CSF1R: variants seen among roughly 807,000 people sequenced by gnomAD.
The protein encoded by CSF1R is macrophage colony-stimulating factor 1 receptor.
A neutral mutation model predicts 110.0 loss-of-function variants in CSF1R; 40 were observed. The ratio of observed to expected loss-of-function variants is 0.36; its 90% CI spans 0.28 to 0.47. The LOEUF is 0.47. Ranked by LOEUF, CSF1R falls within the 20% of genes least tolerant of loss-of-function variation. The pLI is 0.99. For synonymous variants in CSF1R, 523 were observed against 503.4 expected (o/e 1.04, Z -0.52); for missense variants, 1,052 against 1,253.0 (o/e 0.84, Z 2.42).
At chr5:150,064,375 TAGAG>T (rs1275596131) in intron 10 of CSF1R, among the ~76,000 whole-genome samples, 1 of 152,174 alleles carries the variant, frequency 6.6e-6, no homozygotes, top group East Asian at 1.9e-4. Context: ...AGCTGGTAGT[TAGAG>T]AGAAAAGACT....
At chr5:150,091,237 A>G (rs1484711457), upstream of CSF1R, among the ~76,000 whole-genome samples, 1 of 152,250 alleles carries the variant, frequency 6.6e-6, no homozygotes, top group Non-Finnish European at 1.5e-5. Flanking sequence ...CAATTCCTCA[A>G]AAAGTTAAAC....
chr5:150,070,313 AAGG>A lies in CSF1R; in HGVS notation c.1199-14_1199-12del, dbSNP rs1465583559. The stretch of plus-strand genomic sequence containing the variant: ...TTACCTCTGGGGGGTCTGAGGAAGA[AAGG>A]AGGAGGCCCCAAGTCACACTTTCCC... On this transcript the variant is annotated splice_polypyrimidine_tract_variant and intron_variant, in intron 7 of 20. Transcript: ENST00000675795. 7.4e-6 allele frequency: 12 copies of A among 1,612,938 alleles called. No homozygotes were observed. The highest frequency in any genetic ancestry group is 1.0e-5 in the Non-Finnish European group (12 of 1,179,386).
intron 1 of CSF1R, among the ~76,000 whole-genome samples, chr5:150,092,355 A>G (rs1480707940): frequency 6.6e-6 from 1 of 152,246 alleles, no homozygotes; most frequent in Non-Finnish European, 1.5e-5. Context: ...CATTTACAGC[A>G]ATCTCCACAG....
rs192741463 is a variant in CSF1R at position 150,074,256 on chromosome 5, G to A, written c.890-763C>T. On this transcript the variant is annotated intron_variant, in intron 5 of 20. Transcript: ENST00000675795. ...TAAGGAAAAAAATCCTTTTAATTAG[G>A]CCAGTTTGAGTTGGTTTCTATTACT... 3.2e-3 allele frequency among the ~76,000 whole-genome samples: 491 copies of A among 151,216 alleles called. 3 individuals carry two copies. The highest frequency in any genetic ancestry group is 0.011 in the African/African-American group (473 of 41,174).
chr5:150,095,761 G>A lies in CSF1R; in HGVS notation c.-180-9154C>T, dbSNP rs572184443. On this transcript the variant is annotated intron_variant, in intron 1 of 21. Coordinates refer to the CSF1R transcript ENST00000286301. ...GGAAAAAAAAGTAATAACATTTACC[G>A]AGAAAAAAAAAAAAAAAACAAGAAA... Among the ~76,000 whole-genome samples, 23 of 44,788 alleles carry A rather than the reference G, an allele frequency of 5.1e-4. No homozygotes were observed. The South Asian group carries it at 9.3e-3, about 18-fold the overall frequency. The allele number at this position is 44,788 out of a possible 152,430, so 29.4% of individuals were successfully genotyped here. A position where few individuals can be genotyped will look rare whatever the true frequency, so the allele number is the denominator to read the frequency against.
chr5:150,085,804 A>G lies in CSF1R; in HGVS notation c.49+575T>C, dbSNP rs149558284. ...CCCCTATCAGGCCCTTCCAAATCAG[A>G]TCTTGCATAGAATCATCGAATCACA... On this transcript the variant is annotated intron_variant, in intron 1 of 20. Transcript: ENST00000675795. Among the ~76,000 whole-genome samples, 115 of 152,206 alleles carry G rather than the reference A, an allele frequency of 7.6e-4. 1 individual carries two copies. The highest frequency in any genetic ancestry group is 2.6e-3 in the African/African-American group (108 of 41,526).
chr5:150,105,384 A>ATATT (rs1325691091), intron 1 of CSF1R, among the ~76,000 whole-genome samples: 7 of 84,254 alleles, frequency 8.3e-5, no homozygotes, highest in South Asian at 4.4e-4. Flanking sequence ...ATATATATAT[A>ATATT]TTTTTTTTTT....
At chr5:150,063,351 C>T (rs542459146) in intron 10 of CSF1R, among the ~76,000 whole-genome samples, 1 of 151,746 alleles carries the variant, frequency 6.6e-6, no homozygotes, top group Admixed American at 6.6e-5. Flanking sequence ...GAGTCGCCAT[C>T]TGACTTTTTT....
At position 150,070,171 on chromosome 5, in the gene CSF1R, A is replaced by T; in HGVS notation, c.1319+11T>A. 1 of 1,612,950 alleles carries T rather than the reference A, an allele frequency of 6.2e-7. No individual in the cohort carries two copies. Among genetic ancestry groups the T allele is most frequent in the Non-Finnish European group, 8.5e-7 (1 of 1,179,330 alleles). On this transcript the variant is annotated intron_variant, in intron 8 of 20. Coordinates refer to ENST00000675795, the MANE Select transcript of CSF1R (RefSeq NM_001288705.3). Reference sequence around the variant, plus strand: ...GAGCCCAGGTGAGGGAGGTGAGTGGAGCCCACTTACCTATCAGTGTGGCCA... The same window carrying T: ...GAGCCCAGGTGAGGGAGGTGAGTGGTGCCCACTTACCTATCAGTGTGGCCA...
At chr5:150,094,183 C>T (rs1759137955) in intron 1 of CSF1R, 1 of 602,016 alleles carries the variant, frequency 1.7e-6, no homozygotes, top group African/African-American at 1.9e-5. Context: ...GAAATATTTC[C>T]AGGCATAATG....
At chr5:150,056,923 T>A (rs1322957891) in intron 16 of CSF1R, among the ~76,000 whole-genome samples, 1 of 152,162 alleles carries the variant, frequency 6.6e-6, no homozygotes, top group Non-Finnish European at 1.5e-5. Flanking sequence ...GCGCACTTTA[T>A]ACGTTATCTA....
At chr5:150,107,832 A>T (rs1385092174) in intron 1 of CSF1R, among the ~76,000 whole-genome samples, 1 of 152,254 alleles carries the variant, frequency 6.6e-6, no homozygotes, top group Non-Finnish European at 1.5e-5. Context: ...ATCCAGTGAG[A>T]CAATAATGCA....
chr5:150,081,433 C>G (rs1291361250), intron 1 of CSF1R, among the ~76,000 whole-genome samples: 1 of 152,110 alleles, frequency 6.6e-6, no homozygotes. Context: ...ATGGAATGTT[C>G]ACGGCCAAGT....
chr5:150,095,172 C>G lies in CSF1R; in HGVS notation c.-180-8565G>C, dbSNP rs150774786. 2.2e-3 allele frequency: 1,406 copies of G among 632,552 alleles called. 25 individuals are homozygous for G. In the Admixed American group the frequency reaches 0.024, roughly 11 times the overall value. The allele number at this position is 632,552 out of a possible 1,614,324, so 39.2% of individuals were successfully genotyped here. A position where few individuals can be genotyped will look rare whatever the true frequency, so the allele number is the denominator to read the frequency against. On this transcript the variant is annotated intron_variant, in intron 1 of 21. Transcript: ENST00000286301. Reference sequence around the variant, plus strand: ...AACTACATGAAACAAAACTGATAGACCCGAAAGGAGAGATATAAAAATCTC... The same window carrying G: ...AACTACATGAAACAAAACTGATAGAGCCGAAAGGAGAGATATAAAAATCTC...
At chr5:150,078,324 G>T in intron 3 of CSF1R, 76 bp from the exon 4 acceptor site, 1 of 1,552,600 alleles carries the variant, frequency 6.4e-7, no homozygotes. Context: ...TCCCTGCCAT[G>T]GGCCAGGACA....
chr5:150,093,191 G>A (rs138822015), intron 1 of CSF1R, among the ~76,000 whole-genome samples: 2,707 of 152,208 alleles, frequency 0.018, 36 homozygotes, highest in Non-Finnish European at 0.026. Context: ...CGATTCTCAC[G>A]CATCAGCCTC....
At chr5:150,075,405 T>C (rs1292333112) in intron 5 of CSF1R, among the ~76,000 whole-genome samples, 1 of 152,114 alleles carries the variant, frequency 6.6e-6, no homozygotes, top group African/African-American at 2.4e-5. Context: ...ACTTTTTTTC[T>C]CACTCTCTCC....
intron 1 of CSF1R, among the ~76,000 whole-genome samples, chr5:150,091,910 TATG>T (rs1355172726): frequency 9.3e-6 from 1 of 107,850 alleles, no homozygotes; most frequent in Non-Finnish European, 1.9e-5. Flanking sequence ...GTAAAAGGAG[TATG>T]ATACCAGCTA....
chr5:150,078,887 C>T (rs1758402918), intron 3 of CSF1R, among the ~76,000 whole-genome samples: 1 of 152,198 alleles, frequency 6.6e-6, no homozygotes, highest in Admixed American at 6.5e-5. Flanking sequence ...ATTAGCCTCC[C>T]CAGCACCTCC....
Sources: gnomAD v4.1 joint callset for allele counts (sites outside exome capture counted in the v4.1 genomes callset) on GRCh38, gnomAD v4.1.1 for gene constraint, MANE v1.5 for transcripts, NCBI Gene and HGNC (gene_info 2026-07-23, HGNC 2026-07-21) for gene names.